The following PLCD3 variants were observed in gnomAD, a reference collection of about 807,000 sequenced individuals.
PLCD3 encodes 1-phosphatidylinositol 4,5-bisphosphate phosphodiesterase delta-3.
PLCD3 carries 62 observed loss-of-function variants against 82.8 expected under a neutral mutation model. The observed-to-expected ratio is 0.75, with a 90% CI of 0.61 to 0.93. PLCD3 has a LOEUF of 0.93. PLCD3 is among the 40% of genes least tolerant of loss of function. The pLI is 0.00. For missense variants in PLCD3, 1,023 were observed against 1,103.4 expected (o/e 0.93, Z 1.03); for synonymous variants, 478 against 471.8 (o/e 1.01, Z -0.17).
In PLCD3 at chr17:45,118,759, T is replaced by C; in HGVS notation, c.913+56A>G. Reference sequence around the variant, plus strand: ...GCGCCAGCCCGCAGCAGAACCCGCTTAGCTGGGAACACAGCCCTTTCAGGT... The same window carrying C: ...GCGCCAGCCCGCAGCAGAACCCGCTCAGCTGGGAACACAGCCCTTTCAGGT... On this transcript the variant is annotated intron_variant, in intron 5 of 14. Coordinates refer to ENST00000619929, the MANE Select transcript of PLCD3 (RefSeq NM_133373.5). This position sits in a 1 kb window ranked among gnomAD's most constrained non-coding sequence, Gnocchi z 4.1. The C allele has an allele frequency of 6.5e-7, 1 of 1,537,362 alleles. No homozygotes were observed. Among genetic ancestry groups the C allele is most frequent in the Non-Finnish European group, 8.8e-7 (1 of 1,137,936 alleles).
At chr17:45,114,160 C>T (rs1396738003) in intron 11 of PLCD3, 90 bp downstream of exon 11, 11 of 930,602 alleles carry the variant, frequency 1.2e-5, no homozygotes, top group South Asian at 5.8e-5. Flanking sequence ...GTGTTTCCAC[C>T]GTCTGGAAGG....
rs527529004 is a variant in PLCD3 at position 45,114,369 on chromosome 17, G to A, written c.1712-3C>T. On this transcript the variant is annotated splice_polypyrimidine_tract_variant and splice_region_variant and intron_variant, in intron 10 of 14. Transcript: ENST00000619929. ...ATTGTGCCTGACAAAGCTGTTCCCT[G>A]GGGCAGAGTTGGGGTGAGACCGTGA... The A allele has an allele frequency of 1.9e-6, 3 of 1,547,964 alleles. No homozygotes were observed. The East Asian group carries it at 7.4e-5, about 38-fold the overall frequency.
intron 13 of PLCD3, 44 bp downstream of exon 13, chr17:45,113,078 C>T: frequency 6.2e-7 from 1 of 1,610,944 alleles, no homozygotes; most frequent in Non-Finnish European, 8.5e-7. Context: ...ACCCTTCGCT[C>T]TCTGCAGTCT....
rs759569014 is a variant in PLCD3 at position 45,132,274 on chromosome 17, G to A, written c.137C>T (p.Pro46Leu). 12 of 1,275,012 alleles carry A rather than the reference G, an allele frequency of 9.4e-6. No individual in the cohort carries two copies. The African/African-American group carries it at 1.4e-4, about 15-fold the overall frequency. The allele number at this position is 1,275,012 out of a possible 1,614,324, so 79.0% of individuals were successfully genotyped here. The change falls in exon 1 of 15, where the codon CCC becomes CTC. Residue 46 changes from proline (P) to leucine (L), a missense_variant. Pro to Leu is a moderately conservative substitution (Grantham distance 98). Coordinates refer to ENST00000619929, the MANE Select transcript of PLCD3 (RefSeq NM_133373.5). This position sits in a 1 kb window ranked among gnomAD's most constrained non-coding sequence, Gnocchi z 4.6. Reference sequence around the variant, plus strand: ...CATCTTCTTCAGCGCCCGCAGCCCGGGCCTCTTGGTGCCGCCATCGGAGGG... The same window carrying A: ...CATCTTCTTCAGCGCCCGCAGCCCGAGCCTCTTGGTGCCGCCATCGGAGGG... The part of the protein sequence containing the change: ...PTPSDGGTKR[P>L]GLRALKKMGL...
chr17:45,123,167 A>G (rs957666951), intron 1 of PLCD3, among the ~76,000 whole-genome samples: 2 of 152,030 alleles, frequency 1.3e-5, no homozygotes, highest in Non-Finnish European at 2.9e-5. Context: ...AATTGAGTCT[A>G]TATCTCTGGA....
At chr17:45,120,569 T>C in intron 3 of PLCD3, 115 bp from the exon 4 acceptor site, 6 of 1,403,436 alleles carry the variant, frequency 4.3e-6, no homozygotes, top group Non-Finnish European at 3.9e-6. Context: ...GGGGCTGTAC[T>C]TTCCCCTTGG....
chr17:45,116,817 TC>T, intron 7 of PLCD3, 33 bp from the exon 8 acceptor site: 2 of 1,523,988 alleles, frequency 1.3e-6, no homozygotes, highest in Non-Finnish European at 1.8e-6. Flanking sequence ...TCAGAGCCAC[TC>T]CCCTCCCTCT....
chr17:45,121,280 G>T lies in PLCD3; in HGVS notation c.256C>A (p.Arg86=). 1.3e-6 allele frequency: 2 copies of T among 1,587,860 alleles called. No homozygotes were observed. Among genetic ancestry groups the T allele is most frequent in the Admixed American group, 1.7e-5 (1 of 58,672 alleles). The change falls in exon 2 of 15, where the codon CGG becomes AGG. Residue 86 remains arginine, a synonymous_variant. Transcript: ENST00000619929. ...SRTWHKERLY[R]LQEDGLSVWF... is the part of the protein sequence containing the mutation. The stretch of plus-strand genomic sequence containing the variant: ...ACGCTCAGGCCGTCCTCCTGCAGCC[G>T]GTACAGCCGCTCCTTGTGCCACGTG...
chr17:45,119,227 T>C, intron 4 of PLCD3, 184 bp from the exon 5 acceptor site: 1 of 609,126 alleles, frequency 1.6e-6, no homozygotes, highest in East Asian at 2.8e-5. Flanking sequence ...TTTTTTGGTT[T>C]GTTTTTTAGG....
intron 1 of PLCD3, among the ~76,000 whole-genome samples, chr17:45,131,835 C>A (rs1038339893): frequency 6.6e-6 from 1 of 152,202 alleles, no homozygotes; most frequent in African/African-American, 2.4e-5. Context: ...GCCTCTTCTG[C>A]GGAGGCCGAC....
In PLCD3 at chr17:45,115,134, G is replaced by A; in HGVS notation, c.1671C>T (p.Ser557=). 6.2e-7 allele frequency: 1 copy of A among 1,602,134 alleles called. No homozygotes were observed. Among genetic ancestry groups the A allele is most frequent in the Non-Finnish European group, 8.5e-7 (1 of 1,174,548 alleles). The change falls in exon 10 of 15, where the codon TCC becomes TCT. Residue 557 remains serine (S), a synonymous_variant. Transcript: ENST00000619929. ...GTTTCTTGGCTTTGCGCTCGCTGAGGGAGCTGACCTGGCAGGGTTGTGGGG... is the reference window on the plus strand; with the variant it reads ...GTTTCTTGGCTTTGCGCTCGCTGAGAGAGCTGACCTGGCAGGGTTGTGGGG... ...PNAPQPCQVS[S]LSERKAKKLI...
In PLCD3 at chr17:45,109,341, C is replaced by T. The variant is rs1025951521; in HGVS notation, c.*3275G>A. 1 of 152,402 alleles carries T rather than the reference C, an allele frequency of 6.6e-6. No individual in the cohort carries two copies. Among genetic ancestry groups the T allele is most frequent in the Non-Finnish European group, 1.5e-5 (1 of 68,164 alleles). The allele number at this position is 152,402 out of a possible 1,614,324, so 9.4% of individuals were successfully genotyped here. A position where few individuals can be genotyped will look rare whatever the true frequency, so the allele number is the denominator to read the frequency against. On this transcript the variant is annotated 3_prime_UTR_variant, in exon 15 of 15. Coordinates refer to ENST00000619929, the MANE Select transcript of PLCD3 (RefSeq NM_133373.5). ...CCCTAGCTGGGCACAGAGCAGCCCC[C>T]TTGGTCCAGGTCAGCAGTGGCTCCT...
intron 1 of PLCD3, among the ~76,000 whole-genome samples, chr17:45,127,091 C>T (rs894815377): frequency 5.3e-5 from 8 of 152,218 alleles, no homozygotes; most frequent in Non-Finnish European, 1.2e-4. Context: ...ACAACAGGCA[C>T]AAGCACATGG....
rs2054249545 is a variant in PLCD3 at position 45,112,368 on chromosome 17, G to T, written c.*248C>A. ...GAGGGGTGGGCTGAGGACAAGAGGAGCTGGGGCCATCTCAGGGCCCCAGGG... is the reference window on the plus strand; with the variant it reads ...GAGGGGTGGGCTGAGGACAAGAGGATCTGGGGCCATCTCAGGGCCCCAGGG... On this transcript the variant is annotated 3_prime_UTR_variant, in exon 15 of 15. Coordinates refer to ENST00000619929, the MANE Select transcript of PLCD3 (RefSeq NM_133373.5). The T allele has an allele frequency of 1.8e-6, 1 of 542,826 alleles. No homozygotes were observed. Among genetic ancestry groups the T allele is most frequent in the Non-Finnish European group, 3.3e-6 (1 of 300,688 alleles). 33.6% of individuals were successfully genotyped at this position (542,826 alleles called of 1,614,324 possible). A position where few individuals can be genotyped will look rare whatever the true frequency, so the allele number is the denominator to read the frequency against.
At chr17:45,116,062 G>A (rs1311347306) in intron 8 of PLCD3, among the ~76,000 whole-genome samples, 3 of 152,174 alleles carry the variant, frequency 2.0e-5, no homozygotes, top group African/African-American at 7.2e-5. Flanking sequence ...CACACACGAG[G>A]GTGAGTCAAC....
Position 45,115,044 on chromosome 17 carries a change from G to T in PLCD3, c.1711+50C>A, listed in dbSNP as rs566860462. On this transcript the variant is annotated intron_variant, in intron 10 of 14. Transcript: ENST00000619929. Reference sequence around the variant, plus strand: ...TCAACTCCTTTCCAGACTCCCTTCAGGAGGTCTCTCACCCTCTCGCCCCCA... The same window carrying T: ...TCAACTCCTTTCCAGACTCCCTTCATGAGGTCTCTCACCCTCTCGCCCCCA... 44 of 1,550,650 alleles carry T rather than the reference G, an allele frequency of 2.8e-5. 1 individual carries two copies. In the South Asian group the frequency reaches 5.1e-4, roughly 18 times the overall value.
Position 45,120,904 on chromosome 17 carries a change from G to T in PLCD3, c.552C>A (p.Asp184Glu). Residue 184 changes from aspartate to glutamate, a missense_variant and splice_region_variant, in exon 3 of 15, where the codon GAC becomes GAA. By Grantham distance (45) the Asp-to-Glu change is conservative. Transcript: ENST00000619929. ...CCCTCCCAGCCCCGGCAGGATATTG[G>T]TCTAGCCGCTCGCGCTGGCTCATGG... ...LDAMSQRERL[D>E]HWIHSYLHRA... 7.0e-7 allele frequency: 1 copy of T among 1,435,222 alleles called. No homozygotes were observed. The allele number at this position is 1,435,222 out of a possible 1,614,324, so 88.9% of individuals were successfully genotyped here.
chr17:45,113,522 G>A lies in PLCD3; in HGVS notation c.1912C>T (p.Leu638=). ...FLVNGQCGYV[L]KPACLRQPDS... ...GGTTGCCGCAGGCAGGCAGGTTTTA[G>A]GACGTAGCCACACTGCCCATTGACT... The change falls in exon 12 of 15, where the codon CTA becomes TTA. Residue 638 remains leucine (L), a synonymous_variant. Transcript: ENST00000619929. The A allele has an allele frequency of 1.3e-6, 2 of 1,577,276 alleles. No individual in the cohort carries two copies. The highest frequency in any genetic ancestry group is 8.6e-7 in the Non-Finnish European group (1 of 1,161,876).
Position 45,122,258 on chromosome 17 carries a change from T to C in PLCD3, c.164-886A>G, listed in dbSNP as rs190918219. Among the ~76,000 whole-genome samples the C allele has an allele frequency of 1.8e-3, 278 of 151,516 alleles. 1 individual carries two copies. The highest frequency in any genetic ancestry group is 7.0e-3 in the Middle Eastern group (2 of 286). The stretch of plus-strand genomic sequence containing the variant: ...TGGGAGGCTGAGGCATGAGAATCAC[T>C]TGAATCCGGGAGGCGGAGGTTGCAG... On this transcript the variant is annotated intron_variant, in intron 1 of 14. Transcript: ENST00000619929.
Sources: gnomAD v4.1 joint callset for allele counts (sites outside exome capture counted in the v4.1 genomes callset) on GRCh38, gnomAD v4.1.1 for gene constraint, Gnocchi (gnomAD v3.1) non-coding constraint, MANE v1.5 for transcripts, NCBI Gene and HGNC (gene_info 2026-07-23, HGNC 2026-07-21) for gene names.